The following HDGF variants were observed in gnomAD, a reference collection of about 807,000 sequenced individuals.
HDGF encodes hepatoma-derived growth factor.
In HDGF, 5 loss-of-function variants were observed where a neutral mutation model predicts 30.0. That is an observed-to-expected ratio of 0.17 (90% CI 0.09 to 0.35). The LOEUF is 0.35. Ranked by LOEUF, HDGF falls within the 10% of genes least tolerant of loss-of-function variation. The probability of loss-of-function intolerance (pLI) is 1.00; values close to 1 mark genes in which losing one functional copy is unlikely to be tolerated. For missense variants in HDGF, 214 were observed against 302.8 expected (o/e 0.71, Z 2.18); for synonymous variants, 133 against 112.7 (o/e 1.18, Z -1.14).
intron 1 of HDGF, among the ~76,000 whole-genome samples, chr1:156,761,879 G>A (rs1388503547): frequency 6.7e-6 from 1 of 149,528 alleles, no homozygotes. Context: ...CCTGGGAGGT[G>A]GAGGTTGCAG....
chr1:156,747,210 C>CA (rs1400483021), intron 1 of HDGF, among the ~76,000 whole-genome samples: 1 of 132,866 alleles, frequency 7.5e-6, no homozygotes, highest in Non-Finnish European at 1.6e-5. Flanking sequence ...CGGGGCCACT[C>CA]AGCAACCAGG....
upstream of HDGF, chr1:156,752,037 C>T (rs902209639): frequency 1.9e-5 from 29 of 1,550,848 alleles, no homozygotes; most frequent in Non-Finnish European, 2.4e-5. Context: ...GGAGCGCTCA[C>T]CACCGCGGCC....
At chr1:156,765,874 T>G (rs572744088) in intron 1 of HDGF, among the ~76,000 whole-genome samples, 2 of 152,218 alleles carry the variant, frequency 1.3e-5, no homozygotes, top group South Asian at 4.2e-4. Flanking sequence ...TGAAAGCAGA[T>G]TTTAGAAATC....
upstream of HDGF, chr1:156,752,234 G>A (rs749417275): frequency 6.4e-7 from 1 of 1,551,758 alleles, no homozygotes; most frequent in South Asian, 1.2e-5. Flanking sequence ...CTTACCGTAT[G>A]GGGGGTGGCC....
intron 1 of HDGF, among the ~76,000 whole-genome samples, chr1:156,766,316 C>T (rs1259306578): frequency 6.6e-6 from 1 of 152,218 alleles, no homozygotes; most frequent in Non-Finnish European, 1.5e-5. Context: ...AAAACCTCAA[C>T]AGCCTTTTCT....
Position 156,743,352 on chromosome 1 carries a change from G to A in HDGF, c.*97C>T. ...AGAAGAGGAGAGCAGGTTGGGGTGG[G>A]AAAGGGGTTCCCAGTTTGCAGGCCA... On this transcript the variant is annotated 3_prime_UTR_variant, in exon 6 of 6. Coordinates refer to ENST00000357325, the MANE Select transcript of HDGF (RefSeq NM_004494.3). The A allele has an allele frequency of 7.7e-7, 1 of 1,304,488 alleles. No individual in the cohort carries two copies. Among genetic ancestry groups the A allele is most frequent in the Non-Finnish European group, 1.1e-6 (1 of 948,196 alleles). The allele number at this position is 1,304,488 out of a possible 1,614,324, so 80.8% of individuals were successfully genotyped here.
At chr1:156,764,207 C>T (rs186036353) in intron 1 of HDGF, among the ~76,000 whole-genome samples, 177 of 144,996 alleles carry the variant, frequency 1.2e-3, no homozygotes, top group African/African-American at 4.3e-3. Flanking sequence ...CGTGAGCCAC[C>T]GTACATAGTT....
Position 156,742,562 on chromosome 1 carries a change from CT to C in HDGF, c.*886del. On this transcript the variant is annotated 3_prime_UTR_variant, in exon 6 of 6. Coordinates refer to ENST00000357325, the MANE Select transcript of HDGF (RefSeq NM_004494.3). ...AATTTTCTTTTATTAAAAACATTTC[CT>C]AAAAAATGTGTCTTTTCCTTTATGT... 6.5e-6 allele frequency: 1 copy of C among 152,748 alleles called. No homozygotes were observed. The highest frequency in any genetic ancestry group is 1.9e-4 in the East Asian group (1 of 5,176). 9.5% of individuals were successfully genotyped at this position (152,748 alleles called of 1,614,324 possible).
intron 3 of HDGF, chr1:156,744,637 C>T (rs1650394596): frequency 1.0e-6 from 1 of 961,822 alleles, no homozygotes; most frequent in South Asian, 1.7e-5. Context: ...TCCCCGCCAA[C>T]CCCCGCCCCC....
intron 1 of HDGF, among the ~76,000 whole-genome samples, chr1:156,748,720 C>T (rs1221837575): frequency 6.6e-6 from 1 of 152,206 alleles, no homozygotes; most frequent in East Asian, 1.9e-4. Flanking sequence ...AGACCCAGCA[C>T]TTAGGAAGGC....
chr1:156,746,317 T>C (rs192636041), intron 1 of HDGF, among the ~76,000 whole-genome samples: 122 of 152,370 alleles, frequency 8.0e-4, no homozygotes, highest in African/African-American at 2.9e-3. Flanking sequence ...AGTAGGTATA[T>C]AATTATTTAC....
chr1:156,755,433 C>T (rs1347505116), upstream of HDGF: 2 of 152,170 alleles, frequency 1.3e-5, no homozygotes, highest in African/African-American at 2.4e-5. Flanking sequence ...GGGTTTGATT[C>T]CCACTTGCTG....
At chr1:156,751,980 T>C, upstream of HDGF, 1 of 1,489,262 alleles carries the variant, frequency 6.7e-7, no homozygotes. The surrounding 1 kb of genome is among the most constrained non-coding windows in gnomAD (Gnocchi z 4.7). Context: ...CGGGAGGAGC[T>C]GGCGCCCGGC....
chr1:156,752,074 T>C (rs1357739265), upstream of HDGF: 2 of 1,551,592 alleles, frequency 1.3e-6, no homozygotes, highest in Admixed American at 3.9e-5. Flanking sequence ...TGGACGTCTG[T>C]ACACGGTTTC....
rs568573156 is a variant in HDGF at position 156,751,466 on chromosome 1, C to G, written c.-37G>C. The G allele has an allele frequency of 5.4e-6, 8 of 1,470,694 alleles. No individual in the cohort carries two copies. In the East Asian group the frequency reaches 1.7e-4, roughly 31 times the overall value. 91.1% of individuals were successfully genotyped at this position (1,470,694 alleles called of 1,614,324 possible). A position where few individuals can be genotyped will look rare whatever the true frequency, so the allele number is the denominator to read the frequency against. ...GGGCGCCCCGGGCTCCGCGCCGGGC[C>G]GGGAAGCGCGAGCCCAAGTTTGCGC... On this transcript the variant is annotated 5_prime_UTR_variant, in exon 1 of 6. Transcript: ENST00000357325. This position sits in a 1 kb window ranked among gnomAD's most constrained non-coding sequence, Gnocchi z 4.7.
chr1:156,758,277 G>A (rs1226696767), intron 2 of HDGF, among the ~76,000 whole-genome samples: 2 of 148,832 alleles, frequency 1.3e-5, no homozygotes, highest in African/African-American at 5.0e-5. Context: ...CAGCCTGGGC[G>A]ACAAAGTGAG....
intron 1 of HDGF, among the ~76,000 whole-genome samples, chr1:156,764,886 CAAA>C (rs555336967): frequency 5.9e-5 from 7 of 118,254 alleles, no homozygotes; most frequent in African/African-American, 9.3e-5. Flanking sequence ...ACTCTATCTC[CAAA>C]AAAAAAAAAA....
intron 3 of HDGF, 24 bp from the exon 4 acceptor site, chr1:156,744,372 G>A: frequency 6.2e-7 from 1 of 1,612,770 alleles, no homozygotes; most frequent in East Asian, 2.2e-5. Context: ...AGCACAGGCT[G>A]AGTGGCACCA....
At chr1:156,766,532 A>T (rs1651382391) in intron 1 of HDGF, among the ~76,000 whole-genome samples, 1 of 152,232 alleles carries the variant, frequency 6.6e-6, no homozygotes, top group African/African-American at 2.4e-5. Flanking sequence ...GGCGCACAGC[A>T]GATCATCACA....
Sources: gnomAD v4.1 joint callset for allele counts (sites outside exome capture counted in the v4.1 genomes callset) on GRCh38, gnomAD v4.1.1 for gene constraint, Gnocchi (gnomAD v3.1) non-coding constraint, MANE v1.5 for transcripts, NCBI Gene and HGNC (gene_info 2026-07-23, HGNC 2026-07-21) for gene names.